RTL4: variants seen among roughly 807,000 people sequenced by gnomAD.
RTL4 encodes retrotransposon Gag like 4.
RTL4 carries 4 observed loss-of-function variants against 5.3 expected under a neutral mutation model. The ratio of observed to expected loss-of-function variants is 0.75; its 90% CI spans 0.37 to 1.72. RTL4 has a LOEUF of 1.72. Ranked by LOEUF, RTL4 falls within the 40% of genes most tolerant of loss-of-function variation. RTL4 has a pLI of 0.04. For synonymous variants in RTL4, 98 were observed against 87.3 expected (o/e 1.12, Z -0.68); for missense variants, 260 against 227.1 (o/e 1.14, Z -0.93).
At chrX:112,100,949 C>G in the RTL4 span, among the ~76,000 whole-genome samples, 1 of 111,675 alleles carries the variant, frequency 9.0e-6, no homozygotes, top group Non-Finnish European at 1.9e-5. Flanking sequence ...CAGCTTCTGC[C>G]TTACAACTGT....
the RTL4 span, among the ~76,000 whole-genome samples, chrX:112,272,203 T>G: frequency 8.9e-6 from 1 of 112,500 alleles, no homozygotes; most frequent in Admixed American, 9.4e-5. Flanking sequence ...TATTGAACAA[T>G]TAAAAATTGT....
At chrX:112,350,448 C>A in the RTL4 span, among the ~76,000 whole-genome samples, 1 of 109,550 alleles carries the variant, frequency 9.1e-6, no homozygotes, top group Non-Finnish European at 1.9e-5. Flanking sequence ...GGTACCAGTT[C>A]CTCCTTGTAC....
the RTL4 span, among the ~76,000 whole-genome samples, chrX:112,252,355 C>T: frequency 2.9e-4 from 33 of 112,145 alleles, no homozygotes; most frequent in African/African-American, 1.0e-3. Flanking sequence ...TTACCACTTT[C>T]AATGCCAGGT....
the RTL4 span, among the ~76,000 whole-genome samples, chrX:112,178,602 G>C: frequency 9.0e-6 from 1 of 111,567 alleles, no homozygotes; most frequent in Non-Finnish European, 1.9e-5. Context: ...TTAAAAAACT[G>C]TTTGCTTAAC....
chrX:112,395,769 T>A, the RTL4 span, among the ~76,000 whole-genome samples: 1 of 111,252 alleles, frequency 9.0e-6, no homozygotes, highest in Admixed American at 9.6e-5. Context: ...ATCCTCTCAG[T>A]AATTATATTG....
the RTL4 span, among the ~76,000 whole-genome samples, chrX:112,124,814 G>T: frequency 9.0e-6 from 1 of 111,512 alleles, no homozygotes; most frequent in African/African-American, 3.3e-5. Flanking sequence ...AAAAATAAGT[G>T]TCACATTGAA....
chrX:112,353,909 A>T, the RTL4 span, among the ~76,000 whole-genome samples: 1 of 111,397 alleles, frequency 9.0e-6, no homozygotes, highest in East Asian at 2.8e-4. Flanking sequence ...AAGACAAATG[A>T]TTTTTTTAAA....
the RTL4 span, among the ~76,000 whole-genome samples, chrX:112,328,825 A>G: frequency 3.6e-5 from 4 of 112,283 alleles, no homozygotes; most frequent in African/African-American, 9.7e-5. Context: ...ACCACAGTGC[A>G]ATCAAACTAG....
At chrX:112,383,052 A>T in the RTL4 span, among the ~76,000 whole-genome samples, 1 of 112,022 alleles carries the variant, frequency 8.9e-6, no homozygotes. Context: ...AAAAGATAGC[A>T]AGTAAAATGA....
chrX:112,357,741 T>A, the RTL4 span, among the ~76,000 whole-genome samples: 1 of 111,715 alleles, frequency 9.0e-6, no homozygotes, highest in African/African-American at 3.2e-5. Context: ...ACTGATATAA[T>A]CAGAGCATGA....
At chrX:112,310,126 C>G in the RTL4 span, among the ~76,000 whole-genome samples, 1 of 103,030 alleles carries the variant, frequency 9.7e-6, no homozygotes, top group Non-Finnish European at 2.0e-5. Context: ...TACCCCCTTC[C>G]AAATTCATAT....
At chrX:112,199,736 C>T in the RTL4 span, among the ~76,000 whole-genome samples, 1 of 111,478 alleles carries the variant, frequency 9.0e-6, no homozygotes, top group Admixed American at 9.5e-5. Flanking sequence ...TAGAAGGGGC[C>T]CGCAAGCTCA....
At chrX:112,353,748 G>A in the RTL4 span, among the ~76,000 whole-genome samples, 1 of 109,724 alleles carries the variant, frequency 9.1e-6, no homozygotes, top group African/African-American at 3.3e-5. Flanking sequence ...ACGAGTTAAT[G>A]GGTGCAGCAC....
At chrX:112,454,376 C>A, upstream of RTL4, 1 of 147,478 alleles carries the variant, frequency 6.8e-6, no homozygotes, top group Non-Finnish European at 1.3e-5. Context: ...AGTCAGAGGG[C>A]AAATTGCCCT....
chrX:112,415,931 A>G, the RTL4 span, among the ~76,000 whole-genome samples: 4 of 111,826 alleles, frequency 3.6e-5, no homozygotes, highest in Non-Finnish European at 7.5e-5. Flanking sequence ...GTAACAAAGC[A>G]CAACAAACTG....
chrX:112,295,509 G>T, the RTL4 span, among the ~76,000 whole-genome samples: 1 of 112,490 alleles, frequency 8.9e-6, no homozygotes, highest in Admixed American at 9.4e-5. Context: ...CTCACTGCAG[G>T]TGCCTGCCTG....
the RTL4 span, among the ~76,000 whole-genome samples, chrX:112,178,242 G>A: frequency 9.0e-6 from 1 of 111,546 alleles, no homozygotes; most frequent in Non-Finnish European, 1.9e-5. Flanking sequence ...CTTGTAGTCA[G>A]GAACAAAAGA....
the RTL4 span, among the ~76,000 whole-genome samples, chrX:112,155,355 A>G: frequency 9.0e-6 from 1 of 111,185 alleles, no homozygotes; most frequent in Non-Finnish European, 1.9e-5. Flanking sequence ...AGGCAATTGC[A>G]ATATTAAACA....
chrX:112,453,480 T>C (rs1846133313), upstream of RTL4, among the ~76,000 whole-genome samples: 1 of 112,263 alleles, frequency 8.9e-6, no homozygotes, highest in African/African-American at 3.2e-5. Flanking sequence ...TCTTGTTTGC[T>C]AGATTCTCAA....
Sources: gnomAD v4.1 joint callset for allele counts (sites outside exome capture counted in the v4.1 genomes callset) on GRCh38, gnomAD v4.1.1 for gene constraint, MANE v1.5 for transcripts, NCBI Gene and HGNC (gene_info 2026-07-23, HGNC 2026-07-21) for gene names.